Variants in HIP1 observed in about 807,000 individuals in gnomAD.
HIP1 encodes the protein huntingtin interacting protein 1, also known as huntingtin-interacting protein 1.
In HIP1, 65 loss-of-function variants were observed where a neutral mutation model predicts 147.6. That is an observed-to-expected ratio of 0.44 (90% CI 0.36 to 0.54). HIP1 has a LOEUF of 0.54. HIP1 is among the 20% of genes least tolerant of loss of function. HIP1 has a pLI of 0.00. For synonymous variants in HIP1, 479 were observed against 504.0 expected (o/e 0.95, Z 0.67); for missense variants, 1,061 against 1,299.6 (o/e 0.82, Z 2.82).
intron 1 of HIP1, chr7:75,626,851 C>T (rs1223656290): frequency 6.6e-6 from 1 of 151,596 alleles, no homozygotes; most frequent in Non-Finnish European, 1.5e-5. Context: ...ATATAAAAGG[C>T]AATTTCATAA....
At chr7:75,617,711 T>C (rs1797716609) in intron 1 of HIP1, among the ~76,000 whole-genome samples, 1 of 152,206 alleles carries the variant, frequency 6.6e-6, no homozygotes, top group Non-Finnish European at 1.5e-5. Context: ...CGGGCCCATA[T>C]GCCCTCCTCT....
intron 1 of HIP1, among the ~76,000 whole-genome samples, chr7:75,673,817 C>T (rs1298834338): frequency 5.6e-5 from 2 of 35,952 alleles, no homozygotes; most frequent in Non-Finnish European, 1.1e-4. Context: ...AGCCCTATCT[C>T]TACAAAAAAA....
chr7:75,555,164 G>A (rs868965110), intron 19 of HIP1, among the ~76,000 whole-genome samples: 1 of 118,312 alleles, frequency 8.5e-6, no homozygotes. Flanking sequence ...CTGAGCAACA[G>A]AGTAAGACCC....
intron 1 of HIP1, among the ~76,000 whole-genome samples, chr7:75,651,371 A>G (rs1798977500): frequency 6.7e-6 from 1 of 148,776 alleles, no homozygotes; most frequent in Non-Finnish European, 1.5e-5. Context: ...AGGCAGAAGA[A>G]TCGCTTGAAC....
chr7:75,546,807 A>T (rs1463124503), intron 25 of HIP1, 132 bp downstream of exon 25: 1 of 647,212 alleles, frequency 1.5e-6, no homozygotes, highest in African/African-American at 1.8e-5. Context: ...GCCTCTGCTG[A>T]TATCTACAGG....
rs1796901097 is a variant in HIP1, at chr7:75,599,715, A to C, written c.121-468T>G. 2.6e-5 allele frequency among the ~76,000 whole-genome samples: 4 copies of C among 152,048 alleles called. No individual in the cohort carries two copies. In the South Asian group the frequency reaches 8.3e-4, roughly 31 times the overall value. On this transcript the variant is annotated intron_variant, in intron 1 of 30. Coordinates refer to ENST00000336926, the MANE Select transcript of HIP1 (RefSeq NM_005338.7). ...CGGCTGGCCAGCACCGGCGGTGGTC[A>C]CTAAGTCTTTGTTTTCCCACACTCT...
At position 75,558,200 on chromosome 7, in the gene HIP1, C is replaced by T. The variant is rs150253964; in HGVS notation, c.1431G>A (p.Glu477=). 8.4e-4 allele frequency: 1,356 copies of T among 1,614,206 alleles called. 1 individual carries two copies. Among genetic ancestry groups the T allele is most frequent in the African/African-American group, 3.2e-3 (243 of 75,062 alleles). Residue 477 remains glutamate, a synonymous_variant, in exon 15 of 31, where the codon GAG becomes GAA. Coordinates refer to ENST00000336926, the MANE Select transcript of HIP1 (RefSeq NM_005338.7). The stretch of plus-strand genomic sequence containing the variant: ...GCAGGTCAGCGTGGTTCTGAACCAG[C>T]TCGCTGTACTTCTCCTTTAGCTTGC... ...RYSKLKEKYS[E]LVQNHADLLR...
chr7:75,558,668 C>T (rs1378223551), intron 14 of HIP1, among the ~76,000 whole-genome samples: 1 of 152,140 alleles, frequency 6.6e-6, no homozygotes, highest in Admixed American at 6.5e-5. Context: ...CCTTGAAAGT[C>T]CTACTTACAG....
intron 1 of HIP1, among the ~76,000 whole-genome samples, chr7:75,680,980 G>A (rs1300600114): frequency 2.6e-5 from 4 of 152,078 alleles, no homozygotes; most frequent in South Asian, 2.1e-4. Context: ...GTTTTACCGT[G>A]TTAGCCAGAA....
intron 1 of HIP1, among the ~76,000 whole-genome samples, chr7:75,629,753 G>A (rs1006917909): frequency 2.0e-5 from 3 of 152,028 alleles, no homozygotes; most frequent in East Asian, 1.9e-4. Flanking sequence ...TGTTGGTCAG[G>A]ATGGTCTCAA....
chr7:75,731,677 AT>A (rs1219381899), intron 1 of HIP1, among the ~76,000 whole-genome samples: 1 of 152,024 alleles, frequency 6.6e-6, no homozygotes, highest in Admixed American at 6.6e-5. Context: ...GGCTCTGAGC[AT>A]TTGCATTCCT....
intron 1 of HIP1, among the ~76,000 whole-genome samples, chr7:75,627,233 A>G (rs782582378): frequency 1.3e-5 from 2 of 152,210 alleles, no homozygotes; most frequent in African/African-American, 4.8e-5. Flanking sequence ...AGCACATGGC[A>G]TATCAAGGGC....
chr7:75,733,283 C>T (rs1801900374), intron 1 of HIP1, among the ~76,000 whole-genome samples: 1 of 152,056 alleles, frequency 6.6e-6, no homozygotes, highest in Admixed American at 6.6e-5. Context: ...GTCACGATGT[C>T]CTCATCCATA....
At chr7:75,697,673 G>A (rs914091282) in intron 1 of HIP1, among the ~76,000 whole-genome samples, 1 of 152,168 alleles carries the variant, frequency 6.6e-6, no homozygotes, top group Non-Finnish European at 1.5e-5. Flanking sequence ...TTAGCCAGGT[G>A]TGATGGTGCA....
At chr7:75,614,796 C>T (rs1343492645) in intron 1 of HIP1, among the ~76,000 whole-genome samples, 19 of 151,868 alleles carry the variant, frequency 1.3e-4, no homozygotes, top group African/African-American at 2.7e-4. Context: ...TTTTCTGAGA[C>T]GGAGTCTCAC....
chr7:75,615,178 G>A (rs1797609382), intron 1 of HIP1, among the ~76,000 whole-genome samples: 1 of 152,186 alleles, frequency 6.6e-6, no homozygotes, highest in Admixed American at 6.5e-5. Context: ...ACAGACAGTT[G>A]TGGACAGCCA....
In HIP1 at chr7:75,738,650, C is replaced by T. The variant is rs932865602; in HGVS notation, c.120+151G>A. 11 of 1,001,450 alleles carry T rather than the reference C, an allele frequency of 1.1e-5. No individual in the cohort carries two copies. In the East Asian group the frequency reaches 1.4e-4, roughly 13 times the overall value. The allele number at this position is 1,001,450 out of a possible 1,614,324, so 62.0% of individuals were successfully genotyped here. ...CTGGGGTCCCCGACCTTCCTGGGAT[C>T]GCCCAGATCTGCACGTCAATGCCCC... On this transcript the variant is annotated intron_variant, in intron 1 of 30. Coordinates refer to ENST00000336926, the MANE Select transcript of HIP1 (RefSeq NM_005338.7).
intron 1 of HIP1, among the ~76,000 whole-genome samples, chr7:75,735,697 T>C (rs1490029953): frequency 1.3e-5 from 2 of 151,810 alleles, no homozygotes; most frequent in African/African-American, 2.4e-5. Flanking sequence ...TCTTTTTCTT[T>C]TTTTTTTATT....
intron 1 of HIP1, among the ~76,000 whole-genome samples, chr7:75,706,379 G>A (rs1426232278): frequency 6.6e-6 from 1 of 151,322 alleles, no homozygotes; most frequent in Admixed American, 6.6e-5. Flanking sequence ...TGGGTGAGAG[G>A]TGGTATCTCA....
Sources: allele counts gnomAD v4.1 joint callset (sites outside exome capture counted in the v4.1 genomes callset), GRCh38; gene constraint gnomAD v4.1.1; transcripts MANE v1.5; gene names NCBI Gene and HGNC (gene_info 2026-07-23, HGNC 2026-07-21).